The following MAP4 variants were observed in gnomAD, a reference collection of about 807,000 sequenced individuals.
The protein encoded by MAP4 is microtubule associated protein 4.
Under a neutral mutation model 170.2 loss-of-function variants are expected in MAP4, and 76 were observed. The observed-to-expected ratio is 0.45, with a 90% CI of 0.37 to 0.54. MAP4 has a LOEUF of 0.54. Among genes scored for constraint, MAP4 ranks in the 20% least tolerant of loss-of-function variants. The pLI is 0.00. For missense variants in MAP4, 2,506 were observed against 2,748.0 expected (o/e 0.91, Z 1.97); for synonymous variants, 909 against 994.5 (o/e 0.91, Z 1.62).
At position 47,914,719 on chromosome 3, in the gene MAP4, T is replaced by C. The variant is rs1053736639; in HGVS notation, c.1999+98A>G. The C allele has an allele frequency of 2.9e-6, 4 of 1,396,698 alleles. No homozygotes were observed. The African/African-American group carries it at 5.7e-5, about 20-fold the overall frequency. The allele number at this position is 1,396,698 out of a possible 1,614,324, so 86.5% of individuals were successfully genotyped here. A position where few individuals can be genotyped will look rare whatever the true frequency, so the allele number is the denominator to read the frequency against. ...TTGACTTCATAAACTATACTGCTGA[T>C]TACCACCATACAACAGGGAACTAGA... is the stretch of plus-strand genomic sequence containing the variant. On this transcript the variant is annotated intron_variant, in intron 8 of 20. Coordinates refer to ENST00000683076, the MANE Select transcript of MAP4 (RefSeq NM_001385682.1).
chr3:48,081,133 A>G (rs1348045348), intron 1 of MAP4, among the ~76,000 whole-genome samples: 1 of 151,828 alleles, frequency 6.6e-6, no homozygotes, highest in African/African-American at 2.4e-5. Flanking sequence ...CAAAAAACAG[A>G]AAAAACATTA....
chr3:47,915,251 G>A (rs2100038119), intron 7 of MAP4, among the ~76,000 whole-genome samples: 1 of 151,928 alleles, frequency 6.6e-6, no homozygotes, highest in Non-Finnish European at 1.5e-5. Context: ...CGAGTAGCTG[G>A]GATTACAGGC....
At chr3:47,983,562 ATT>A (rs1169434785) in intron 2 of MAP4, among the ~76,000 whole-genome samples, 46 of 151,894 alleles carry the variant, frequency 3.0e-4, no homozygotes, top group Non-Finnish European at 5.6e-4. Flanking sequence ...AATTTTTTGT[ATT>A]TTTAGTAGAA....
rs547650128 is a variant in MAP4, at chr3:47,936,950, G to A, written c.293-8600C>T. On this transcript the variant is annotated intron_variant, in intron 3 of 20. Coordinates refer to ENST00000683076, the MANE Select transcript of MAP4 (RefSeq NM_001385682.1). ...AGCCAAGATCGCGCCACTGCACTCC[G>A]GCTTGGGTGACAAGAGCGAAACTCC... is the stretch of plus-strand genomic sequence containing the variant. 4.7e-5 allele frequency among the ~76,000 whole-genome samples: 7 copies of A among 149,560 alleles called. No individual in the cohort carries two copies. In the East Asian group the frequency reaches 1.2e-3, roughly 25 times the overall value.
upstream of MAP4, among the ~76,000 whole-genome samples, chr3:48,016,863 G>T (rs1026130146): frequency 6.6e-6 from 1 of 150,570 alleles, no homozygotes; most frequent in African/African-American, 2.4e-5. Flanking sequence ...TACAACCTCC[G>T]CCTCCTGGGT....
intron 3 of MAP4, among the ~76,000 whole-genome samples, chr3:47,942,925 T>C (rs2100057404): frequency 6.6e-6 from 1 of 151,970 alleles, no homozygotes; most frequent in Admixed American, 6.6e-5. Context: ...GCTTGGGCAA[T>C]GTAGCAAGAC....
At chr3:48,047,340 A>G (rs1319960593) in intron 1 of MAP4, among the ~76,000 whole-genome samples, 3 of 152,028 alleles carry the variant, frequency 2.0e-5, no homozygotes, top group Non-Finnish European at 4.4e-5. Context: ...CCAGTTCTCC[A>G]TATGGTCACC....
chr3:47,871,936 G>A lies in MAP4; in HGVS notation c.5922C>T (p.Leu1974=), dbSNP rs538536142. ...ACTCACCAGTGGGCTTCTTGGGCAG[G>A]AGCGTGGAGGGGCTCCTACTGCTTG... The part of the protein sequence containing the change: ...TGPSSRSPST[L]LPKKPTAIKT... The change falls in exon 13 of 21, where the codon CTC becomes CTT. Residue 1974 remains leucine, a synonymous_variant. Coordinates refer to ENST00000683076, the MANE Select transcript of MAP4 (RefSeq NM_001385682.1). 8.7e-6 allele frequency: 14 copies of A among 1,612,402 alleles called. No individual in the cohort carries two copies. In the East Asian group the frequency reaches 1.3e-4, roughly 15 times the overall value.
At chr3:47,918,139 C>T (rs528545275) in intron 6 of MAP4, among the ~76,000 whole-genome samples, 80 of 152,260 alleles carry the variant, frequency 5.3e-4, no homozygotes, top group Non-Finnish European at 9.0e-4. Context: ...CCTGCCACCA[C>T]GCCCAGCTAA....
chr3:48,041,681 T>G (rs1211510283), intron 1 of MAP4, among the ~76,000 whole-genome samples: 1 of 152,122 alleles, frequency 6.6e-6, no homozygotes, highest in South Asian at 2.1e-4. Flanking sequence ...CCCATCTCAG[T>G]CTGGGTGATG....
chr3:48,077,306 TG>T (rs1221957772), intron 1 of MAP4, among the ~76,000 whole-genome samples: 2 of 151,872 alleles, frequency 1.3e-5, no homozygotes, highest in African/African-American at 4.8e-5. Context: ...CCGGGCATGG[TG>T]GCACATGCCT....
upstream of MAP4, among the ~76,000 whole-genome samples, chr3:48,020,562 A>G (rs373136590): frequency 5.3e-5 from 8 of 152,318 alleles, no homozygotes; most frequent in South Asian, 1.7e-3. Flanking sequence ...CTTTGACCTA[A>G]TATCTTACAG....
chr3:47,928,710 A>G lies in MAP4; in HGVS notation c.293-360T>C, dbSNP rs2100047579. On this transcript the variant is annotated intron_variant, in intron 3 of 20. Coordinates refer to ENST00000683076, the MANE Select transcript of MAP4 (RefSeq NM_001385682.1). ...GGAAATAAAGTAGGTCATTAAGGTT[A>G]AAAAAACACTACAGAGTGACTTCTA... is the stretch of plus-strand genomic sequence containing the variant. 1.3e-5 allele frequency among the ~76,000 whole-genome samples: 2 copies of G among 152,094 alleles called. 1 individual carries two copies. Among genetic ancestry groups the G allele is most frequent in the South Asian group, 4.1e-4 (2 of 4,828 alleles).
intron 17 of MAP4, among the ~76,000 whole-genome samples, chr3:47,862,719 C>A (rs369057840): frequency 1.3e-5 from 2 of 152,228 alleles, no homozygotes; most frequent in African/African-American, 4.8e-5. Context: ...CCTCATGATC[C>A]GCCTGCCTCA....
At position 47,912,119 on chromosome 3, in the gene MAP4, T is replaced by A; in HGVS notation, c.2302A>T (p.Met768Leu). ...TTTGGTTTCTTCTTCTTTTTCTTCATCATTATTGGTGTGCTTTCTATATCC... is the reference window on the plus strand; with the variant it reads ...TTTGGTTTCTTCTTCTTTTTCTTCAACATTATTGGTGTGCTTTCTATATCC... ...AWDIESTPIM[M>L]KKKKKKPKQK... Residue 768 changes from methionine (M) to leucine (L), a missense_variant, in exon 9 of 21, where the codon ATG becomes TTG. Met to Leu is a conservative substitution (Grantham distance 15). Around this residue, in one of 3 missense-constraint regions of MAP4, gnomAD observed 2,008 missense variants for 2,206.0 expected, o/e 0.91. Transcript: ENST00000683076. The A allele has an allele frequency of 6.5e-7, 1 of 1,536,200 alleles. No homozygotes were observed. Among genetic ancestry groups the A allele is most frequent in the Non-Finnish European group, 8.7e-7 (1 of 1,146,922 alleles).
intron 1 of MAP4, among the ~76,000 whole-genome samples, chr3:48,073,160 AG>A (rs2154565776): frequency 6.6e-6 from 1 of 151,982 alleles, no homozygotes; most frequent in East Asian, 1.9e-4. Flanking sequence ...CAGTGAGCAG[AG>A]ATTGTGCCAC....
chr3:47,958,682 ATTTTTTTTTTTTT>A (rs769235654), intron 3 of MAP4, among the ~76,000 whole-genome samples: 1 of 121,476 alleles, frequency 8.2e-6, no homozygotes, highest in Non-Finnish European at 1.7e-5. Flanking sequence ...CACCCGGCTA[ATTTTTTTTTTTTT>A]TTTTTTTGAG....
chr3:48,036,864 A>T (rs2100119005), intron 1 of MAP4, among the ~76,000 whole-genome samples: 2 of 152,240 alleles, frequency 1.3e-5, no homozygotes, highest in Non-Finnish European at 2.9e-5. Context: ...TCTAATGGTG[A>T]ATGTTAGCCT....
At chr3:48,012,313 T>C (rs552667096) in intron 1 of MAP4, among the ~76,000 whole-genome samples, 5 of 152,306 alleles carry the variant, frequency 3.3e-5, no homozygotes, top group African/African-American at 1.2e-4. Flanking sequence ...CCACTCACTC[T>C]TTGATGTCCA....
Sources: allele counts gnomAD v4.1 joint callset (sites outside exome capture counted in the v4.1 genomes callset), GRCh38; gene constraint gnomAD v4.1.1; regional missense constraint gnomAD v4.1.1; transcripts MANE v1.5; gene names NCBI Gene and HGNC (gene_info 2026-07-23, HGNC 2026-07-21).